The following NEDD4L variants were observed in gnomAD, a reference collection of about 807,000 sequenced individuals.
NEDD4L encodes E3 ubiquitin-protein ligase NEDD4-like.
NEDD4L carries 54 observed loss-of-function variants against 148.9 expected under a neutral mutation model. That is an observed-to-expected ratio of 0.36 (90% confidence interval 0.29 to 0.45). The LOEUF (loss-of-function observed/expected upper bound fraction) is 0.45. Among genes scored for constraint, NEDD4L ranks in the 20% least tolerant of loss-of-function variants. The pLI, the probability that NEDD4L is intolerant of heterozygous loss-of-function variation, is 1.00. For synonymous variants in NEDD4L, 433 were observed against 440.7 expected, an observed-to-expected ratio of 0.98 and a Z score of 0.22; for missense variants, 856 against 1,233.8, an observed-to-expected ratio of 0.69 and a Z score of 4.59.
chr18:58,169,897 A>G (rs1380130103), intron 2 of NEDD4L, among the ~76,000 whole-genome samples: 1 of 152,190 alleles, frequency 6.6e-6, no homozygotes, highest in East Asian at 1.9e-4. Context: ...TGCTGTGCAT[A>G]GTTCTGTGAG....
chr18:58,163,676 A>G (rs73448461), intron 1 of NEDD4L, among the ~76,000 whole-genome samples: 5,580 of 152,142 alleles, frequency 0.037, 325 homozygotes, highest in African/African-American at 0.12. Flanking sequence ...TACCATATTC[A>G]TGTTCTTTAC....
intron 16 of NEDD4L, among the ~76,000 whole-genome samples, chr18:58,346,620 T>G (rs1328837839): frequency 1.3e-5 from 2 of 152,232 alleles, no homozygotes; most frequent in African/African-American, 2.4e-5. Flanking sequence ...TTTTAATCCC[T>G]GTGTTTTATA....
At chr18:58,284,508 A>C (rs375139111) in intron 5 of NEDD4L, among the ~76,000 whole-genome samples, 1 of 152,198 alleles carries the variant, frequency 6.6e-6, no homozygotes. Context: ...TTTGTGAGAC[A>C]AAAAGCTTTG....
intron 1 of NEDD4L, chr18:58,149,542 C>T (rs746580879): frequency 9.4e-5 from 146 of 1,550,396 alleles, no homozygotes; most frequent in Middle Eastern, 6.7e-4. Context: ...CTAAATGAGA[C>T]GTCTCGCATT....
intron 5 of NEDD4L, among the ~76,000 whole-genome samples, chr18:58,265,354 T>C (rs1393590794): frequency 2.6e-5 from 4 of 151,824 alleles, no homozygotes; most frequent in African/African-American, 9.7e-5. Flanking sequence ...AAATGTGGAG[T>C]TGGATGAATT....
intron 1 of NEDD4L, among the ~76,000 whole-genome samples, chr18:58,129,611 C>T (rs895437701): frequency 2.6e-5 from 4 of 152,198 alleles, no homozygotes; most frequent in Non-Finnish European, 4.4e-5. Context: ...GCTGTGTGTT[C>T]TTAATAAACT....
intron 1 of NEDD4L, among the ~76,000 whole-genome samples, chr18:58,151,573 T>C (rs2034746182): frequency 1.3e-5 from 2 of 150,484 alleles, no homozygotes; most frequent in Admixed American, 1.3e-4. Context: ...GATACCACCA[T>C]AGCATGGTAA....
intron 5 of NEDD4L, among the ~76,000 whole-genome samples, chr18:58,308,436 CTG>C (rs1305329105): frequency 3.9e-5 from 6 of 152,242 alleles, no homozygotes; most frequent in Admixed American, 2.0e-4. Context: ...GTAACAGTAA[CTG>C]TGATGCCAGG....
chr18:58,098,845 G>A (rs1365034738), intron 1 of NEDD4L, among the ~76,000 whole-genome samples: 1 of 152,136 alleles, frequency 6.6e-6, no homozygotes, highest in Non-Finnish European at 1.5e-5. Flanking sequence ...AATTGCTGAC[G>A]TCTCTGAGCA....
rs548846606 is a variant in NEDD4L at position 58,084,161 on chromosome 18, A to G, written c.48+39453A>G. Among the ~76,000 whole-genome samples, 123 of 152,372 alleles carry G rather than the reference A, an allele frequency of 8.1e-4. 1 individual carries two copies. Among genetic ancestry groups the G allele is most frequent in the Non-Finnish European group, 7.1e-4 (48 of 68,044 alleles). On this transcript the variant is annotated intron_variant, in intron 1 of 30. Coordinates refer to ENST00000400345, the MANE Select transcript of NEDD4L (RefSeq NM_001144967.3). ...AAGACCACATATTGTGTGATTCCAC[A>G]TATTCCACATATTGTGTGATTATAT...
chr18:58,138,985 C>T (rs936128628), intron 1 of NEDD4L, among the ~76,000 whole-genome samples: 32 of 152,362 alleles, frequency 2.1e-4, no homozygotes, highest in African/African-American at 7.2e-4. Context: ...CACGCTGGCT[C>T]ATTTCAGCCA....
chr18:58,370,962 T>C (rs748484607), intron 23 of NEDD4L, among the ~76,000 whole-genome samples: 2 of 152,184 alleles, frequency 1.3e-5, no homozygotes, highest in Non-Finnish European at 1.5e-5. Context: ...CTCCAAGTAG[T>C]GATTTGGGTT....
chr18:58,050,533 G>A (rs145808151), intron 1 of NEDD4L, among the ~76,000 whole-genome samples: 6,106 of 152,120 alleles, frequency 0.04, 169 homozygotes, highest in Non-Finnish European at 0.061. Flanking sequence ...GGCCGAGGCT[G>A]GAGGATCACC....
At chr18:58,165,902 A>T in intron 2 of NEDD4L, 41 bp downstream of exon 2, 3 of 1,507,592 alleles carry the variant, frequency 2.0e-6, no homozygotes, top group Non-Finnish European at 9.1e-7. Flanking sequence ...CTTCTGAAAA[A>T]TTGACAAGCA....
At chr18:58,155,843 C>A (rs997684434) in intron 1 of NEDD4L, among the ~76,000 whole-genome samples, 3 of 152,208 alleles carry the variant, frequency 2.0e-5, no homozygotes, top group African/African-American at 7.2e-5. Context: ...AGTCTCTAGA[C>A]ATGATCAGTT....
At chr18:58,361,162 G>C (rs2045419807) in intron 19 of NEDD4L, among the ~76,000 whole-genome samples, 1 of 152,132 alleles carries the variant, frequency 6.6e-6, no homozygotes, top group Non-Finnish European at 1.5e-5. Flanking sequence ...CCTATGTCTA[G>C]GTCCAGTGCC....
Position 58,351,061 on chromosome 18 carries a change from T to A in NEDD4L, c.1708+16T>A, listed in dbSNP as rs779286720. ...ATTGATCATAGTAAGTAGGCGCTGT[T>A]ATGGACACACAGGTGTTGTGGGTTA... On this transcript the variant is annotated intron_variant, in intron 18 of 30. Transcript: ENST00000400345. 1 of 1,578,456 alleles carries A rather than the reference T, an allele frequency of 6.3e-7. No individual in the cohort carries two copies. The highest frequency in any genetic ancestry group is 8.6e-7 in the Non-Finnish European group (1 of 1,160,386).
chr18:58,333,742 T>A (rs1293938125), intron 11 of NEDD4L, 76 bp from the exon 12 acceptor site: 3 of 962,138 alleles, frequency 3.1e-6, no homozygotes, highest in Non-Finnish European at 5.1e-6. Flanking sequence ...GGTTGAGTGA[T>A]ATGTTTGTTA....
intron 1 of NEDD4L, among the ~76,000 whole-genome samples, chr18:58,051,684 T>TTG (rs2081879371): frequency 6.6e-6 from 1 of 152,188 alleles, no homozygotes; most frequent in Non-Finnish European, 1.5e-5. Flanking sequence ...GATCCTAACT[T>TTG]AAGAGTTTTC....
Sources: allele counts gnomAD v4.1 joint callset (sites outside exome capture counted in the v4.1 genomes callset), GRCh38; gene constraint gnomAD v4.1.1; transcripts MANE v1.5; gene names NCBI Gene and HGNC (gene_info 2026-07-23, HGNC 2026-07-21).